GOLGA4: variants seen among roughly 807,000 people sequenced by gnomAD.
GOLGA4 encodes the protein golgin subfamily A member 4.
GOLGA4 carries 169 observed loss-of-function variants against 265.9 expected under a neutral mutation model. The observed-to-expected ratio is 0.64, with a 90% CI of 0.56 to 0.72. The LOEUF is 0.72. Ranked by LOEUF, GOLGA4 falls within the 30% of genes least tolerant of loss-of-function variation. The pLI is 0.00. For missense variants in GOLGA4, 2,482 were observed against 2,483.4 expected (o/e 1.00, Z 0.01); for synonymous variants, 923 against 855.8 (o/e 1.08, Z -1.37).
intron 2 of GOLGA4, among the ~76,000 whole-genome samples, chr3:37,262,822 T>G (rs1578396885): frequency 6.6e-6 from 1 of 152,060 alleles, no homozygotes; most frequent in Non-Finnish European, 1.5e-5. Context: ...AGGAAAAATA[T>G]ATGATGTGCC....
chr3:37,355,521 C>G (rs2298414), intron 22 of GOLGA4, among the ~76,000 whole-genome samples: 8,454 of 152,096 alleles, frequency 0.056, 309 homozygotes, highest in Admixed American at 0.081. Flanking sequence ...ATTTTTTAAA[C>G]CAAATTATAT....
At chr3:37,254,500 T>TA in intron 2 of GOLGA4, among the ~76,000 whole-genome samples, 1 of 152,200 alleles carries the variant, frequency 6.6e-6, no homozygotes. Context: ...TTTAATTAAT[T>TA]AAAAAATTAA....
chr3:37,251,369 A>C, intron 1 of GOLGA4, 26 bp from the exon 2 acceptor site: 1 of 1,446,634 alleles, frequency 6.9e-7, no homozygotes, highest in Non-Finnish European at 9.7e-7. Flanking sequence ...AGTCTTGCTA[A>C]TTTGTGCAAT....
rs1232245447 is a variant in GOLGA4 at position 37,248,827 on chromosome 3, A to G, written c.73-2568A>G. ...CGTAATGCCAATTTTTCAGATTTGC[A>G]GTGAGGTATACTTTTTAAGCAGTTG... is the stretch of plus-strand genomic sequence containing the variant. On this transcript the variant is annotated intron_variant, in intron 1 of 23. Transcript: ENST00000361924. 2.6e-5 allele frequency among the ~76,000 whole-genome samples: 4 copies of G among 152,322 alleles called. No individual in the cohort carries two copies. In the South Asian group the frequency reaches 8.3e-4, roughly 32 times the overall value.
intron 2 of GOLGA4, among the ~76,000 whole-genome samples, chr3:37,279,344 T>C (rs1434726741): frequency 6.6e-6 from 1 of 152,182 alleles, no homozygotes; most frequent in Non-Finnish European, 1.5e-5. Context: ...AAAACACTGG[T>C]GTACAACATA....
intron 20 of GOLGA4, among the ~76,000 whole-genome samples, chr3:37,346,276 G>C (rs1559463473): frequency 6.6e-6 from 1 of 152,044 alleles, no homozygotes; most frequent in Non-Finnish European, 1.5e-5. Context: ...TTCTTTTGAG[G>C]CTTCTTGTGC....
At chr3:37,359,651 T>A (rs2097099375) in intron 22 of GOLGA4, among the ~76,000 whole-genome samples, 1 of 152,198 alleles carries the variant, frequency 6.6e-6, no homozygotes, top group Non-Finnish European at 1.5e-5. Context: ...TGTATATAGT[T>A]CTTCATCAGT....
At chr3:37,263,409 A>G (rs1166400777) in intron 2 of GOLGA4, among the ~76,000 whole-genome samples, 1 of 152,180 alleles carries the variant, frequency 6.6e-6, no homozygotes. Flanking sequence ...GGGATGAGGA[A>G]GGGTCCTTAC....
At chr3:37,278,299 A>C (rs964056049) in intron 2 of GOLGA4, among the ~76,000 whole-genome samples, 2 of 151,778 alleles carry the variant, frequency 1.3e-5, no homozygotes, top group African/African-American at 2.4e-5. Context: ...TCCCAGATTC[A>C]AACGATTTTC....
At chr3:37,308,606 A>T (rs1386987218) in intron 10 of GOLGA4, among the ~76,000 whole-genome samples, 3 of 140,942 alleles carry the variant, frequency 2.1e-5, no homozygotes, top group Non-Finnish European at 3.2e-5. Context: ...ATTAATAATT[A>T]AAAGTAAATA....
intron 1 of GOLGA4, among the ~76,000 whole-genome samples, chr3:37,251,113 A>T (rs2096732480): frequency 6.6e-6 from 1 of 152,158 alleles, no homozygotes; most frequent in African/African-American, 2.4e-5. Context: ...ATCTTACACT[A>T]GTATCGCAAC....
intron 20 of GOLGA4, among the ~76,000 whole-genome samples, chr3:37,343,850 G>A (rs1474867244): frequency 4.6e-5 from 7 of 152,152 alleles, no homozygotes; most frequent in Non-Finnish European, 1.5e-5. Context: ...ACATATTTAC[G>A]ATTTTAAGAT....
At chr3:37,331,702 T>C (rs991506784) in intron 16 of GOLGA4, among the ~76,000 whole-genome samples, 7 of 152,224 alleles carry the variant, frequency 4.6e-5, no homozygotes, top group Non-Finnish European at 8.8e-5. Flanking sequence ...GATTTGTTAA[T>C]AGCAAGTTTG....
At chr3:37,309,498 T>C (rs1301749123) in intron 10 of GOLGA4, among the ~76,000 whole-genome samples, 1 of 152,192 alleles carries the variant, frequency 6.6e-6, no homozygotes, top group East Asian at 1.9e-4. Flanking sequence ...GAGGTTGCAG[T>C]GAGCCAAGAT....
intron 2 of GOLGA4, chr3:37,276,620 T>C (rs1219937721): frequency 6.5e-7 from 1 of 1,546,704 alleles, no homozygotes; most frequent in Non-Finnish European, 8.8e-7. Context: ...TGGCAAAATA[T>C]CTGGACCATT....
intron 19 of GOLGA4, among the ~76,000 whole-genome samples, chr3:37,339,598 C>T (rs541750934): frequency 1.3e-5 from 2 of 152,276 alleles, no homozygotes; most frequent in East Asian, 1.9e-4. Context: ...TGAAGTGATA[C>T]CTCGTTGTGG....
intron 10 of GOLGA4, among the ~76,000 whole-genome samples, chr3:37,308,779 C>G (rs1162183525): frequency 6.6e-6 from 1 of 151,756 alleles, no homozygotes; most frequent in Non-Finnish European, 1.5e-5. Context: ...CTACGCCCAG[C>G]TAATTTTTTG....
intron 11 of GOLGA4, among the ~76,000 whole-genome samples, chr3:37,318,485 A>C (rs988278846): frequency 8.6e-5 from 13 of 151,760 alleles, no homozygotes; most frequent in Non-Finnish European, 1.8e-4. Flanking sequence ...GTAGCTTCTT[A>C]TTATTACTCT....
chr3:37,343,479 G>A (rs1578807490), intron 20 of GOLGA4, among the ~76,000 whole-genome samples: 1 of 151,988 alleles, frequency 6.6e-6, no homozygotes, highest in South Asian at 2.1e-4. Context: ...GCCTCCCAAA[G>A]TGCTGGGATT....
Sources: allele counts gnomAD v4.1 joint callset (sites outside exome capture counted in the v4.1 genomes callset), GRCh38; gene constraint gnomAD v4.1.1; transcripts MANE v1.5; gene names NCBI Gene and HGNC (gene_info 2026-07-23, HGNC 2026-07-21).